Variants in SMIM35 observed in about 807,000 individuals in gnomAD.
SMIM35 encodes the protein small integral membrane protein 35.
At chr11:118,036,175 C>T (rs1297123818) in intron 1 of SMIM35, among the ~76,000 whole-genome samples, 4 of 152,226 alleles carry the variant, frequency 2.6e-5, no homozygotes, top group African/African-American at 9.6e-5. Context: ...GCATGAGCCA[C>T]CATGCCTGGC....
intron 1 of SMIM35, among the ~76,000 whole-genome samples, chr11:118,048,946 C>CAAAAAAAAAAAAAAAAAAAAAAAAAA (rs57261529): frequency 2.5e-4 from 15 of 60,498 alleles, no homozygotes; most frequent in African/African-American, 7.3e-4. Flanking sequence ...TGAAGAGCTG[C>CAAAAAAAAAAAAAAAAAAAAAAAAAA]AAAAAAAAAA....
rs577921975 is a variant in SMIM35, at chr11:118,056,480, G to A, written c.7+30271C>T. On this transcript the variant is annotated intron_variant, in intron 1 of 4. Transcript: ENST00000689828. Reference sequence around the variant, plus strand: ...GGACATGCAGGAAGGCAGTTCCATCGTCCTGTTGAGCTCAAGGTACCTGCC... The same window carrying A: ...GGACATGCAGGAAGGCAGTTCCATCATCCTGTTGAGCTCAAGGTACCTGCC... Among the ~76,000 whole-genome samples, 8 of 152,292 alleles carry A rather than the reference G, an allele frequency of 5.3e-5. No individual in the cohort carries two copies. In the East Asian group the frequency reaches 9.7e-4, roughly 18 times the overall value.
At chr11:118,035,922 C>T (rs1157275589) in intron 1 of SMIM35, among the ~76,000 whole-genome samples, 1 of 151,472 alleles carries the variant, frequency 6.6e-6, no homozygotes, top group Non-Finnish European at 1.5e-5. Flanking sequence ...GAGTCTCGCT[C>T]TATCGCCCAG....
chr11:118,044,642 C>T (rs960278100), intron 1 of SMIM35, among the ~76,000 whole-genome samples: 3 of 151,618 alleles, frequency 2.0e-5, no homozygotes, highest in African/African-American at 4.8e-5. Context: ...GGCGTGGTGG[C>T]GGGCACCTGT....
intron 1 of SMIM35, among the ~76,000 whole-genome samples, chr11:118,045,827 C>T (rs887724453): frequency 2.0e-5 from 3 of 152,144 alleles, no homozygotes; most frequent in Middle Eastern, 3.2e-3. Flanking sequence ...TCTTGACCAT[C>T]GGGATATTTG....
intron 1 of SMIM35, among the ~76,000 whole-genome samples, chr11:118,018,032 CA>C (rs901042724): frequency 5.9e-5 from 9 of 152,166 alleles, no homozygotes; most frequent in African/African-American, 2.2e-4. Context: ...CAAACCATAC[CA>C]GGAGGTGAGA....
intron 1 of SMIM35, among the ~76,000 whole-genome samples, chr11:118,045,330 GCACACACACA>G (rs34102097): frequency 5.5e-5 from 8 of 146,014 alleles, no homozygotes; most frequent in African/African-American, 1.8e-4. Context: ...ATACACACAT[GCACACACACA>G]CACACACACA....
At chr11:118,030,455 C>T (rs1474504522) in intron 1 of SMIM35, among the ~76,000 whole-genome samples, 4 of 152,034 alleles carry the variant, frequency 2.6e-5, no homozygotes, top group African/African-American at 7.2e-5. Flanking sequence ...TTTTAACAAC[C>T]CAAGATGTTC....
intron 1 of SMIM35, chr11:118,028,812 CAAG>C (rs977306741): frequency 2.1e-5 from 9 of 427,700 alleles, no homozygotes; most frequent in African/African-American, 1.1e-4. Context: ...CAAGGAGAAA[CAAG>C]AGGAGAAGTA....
intron 1 of SMIM35, among the ~76,000 whole-genome samples, chr11:118,078,536 G>A (rs1055344594): frequency 6.6e-6 from 1 of 152,224 alleles, no homozygotes; most frequent in Non-Finnish European, 1.5e-5. Context: ...CAGGATCAAA[G>A]CACAAGCTTC....
At chr11:118,067,008 C>T (rs553469820) in intron 1 of SMIM35, among the ~76,000 whole-genome samples, 1 of 152,084 alleles carries the variant, frequency 6.6e-6, no homozygotes, top group East Asian at 1.9e-4. Flanking sequence ...TTCTCTTAAT[C>T]CCTGATATCT....
At chr11:118,059,340 C>T (rs1245193139) in intron 1 of SMIM35, 1 of 152,330 alleles carries the variant, frequency 6.6e-6, no homozygotes, top group African/African-American at 2.4e-5. Context: ...GGGCAGTTCT[C>T]AGTCTGGGAG....
chr11:118,023,008 A>G (rs2058244935), intron 1 of SMIM35, among the ~76,000 whole-genome samples: 1 of 151,496 alleles, frequency 6.6e-6, no homozygotes, highest in South Asian at 2.1e-4. Flanking sequence ...CCAAGACCCA[A>G]AAAGGTCAAA....
chr11:118,068,765 C>T (rs1565397925), intron 1 of SMIM35, among the ~76,000 whole-genome samples: 3 of 152,144 alleles, frequency 2.0e-5, no homozygotes, highest in East Asian at 1.9e-4. Flanking sequence ...CCCGGGGTAG[C>T]GGAGTGACCT....
chr11:118,042,828 C>T (rs1050733973), intron 1 of SMIM35, among the ~76,000 whole-genome samples: 9 of 152,216 alleles, frequency 5.9e-5, no homozygotes, highest in African/African-American at 2.2e-4. Flanking sequence ...ATTTCTCCCT[C>T]GAGAGCAAGA....
intron 1 of SMIM35, among the ~76,000 whole-genome samples, chr11:118,043,875 G>T (rs369972543): frequency 2.0e-5 from 3 of 148,524 alleles, no homozygotes; most frequent in South Asian, 2.1e-4. Context: ...AAAGGAGGGG[G>T]TTATCTTAGC....
At chr11:118,079,456 C>T (rs1448055724) in intron 1 of SMIM35, among the ~76,000 whole-genome samples, 1 of 152,204 alleles carries the variant, frequency 6.6e-6, no homozygotes. Flanking sequence ...CAGGCCCAGG[C>T]AGAGGTCAGA....
chr11:118,031,146 G>A (rs373688574), intron 1 of SMIM35, among the ~76,000 whole-genome samples: 118 of 152,294 alleles, frequency 7.7e-4, no homozygotes, highest in Non-Finnish European at 1.5e-3. Flanking sequence ...AATAAATTTC[G>A]TGGTGTTAGA....
In SMIM35 at chr11:118,005,818, A is replaced by T. The variant is rs1415864565; in HGVS notation, c.*592T>A. 3.3e-5 allele frequency: 5 copies of T among 152,338 alleles called. No individual in the cohort carries two copies. Among genetic ancestry groups the T allele is most frequent in the Non-Finnish European group, 7.3e-5 (5 of 68,158 alleles). The allele number at this position is 152,338 out of a possible 1,614,324, so 9.4% of individuals were successfully genotyped here. A position where few individuals can be genotyped will look rare whatever the true frequency, so the allele number is the denominator to read the frequency against. Reference sequence around the variant, plus strand: ...CCTGCTCCCTCAGTCTAATCTCCATACCGCAGTCCTCCTGATGCAGTGCAC... The same window carrying T: ...CCTGCTCCCTCAGTCTAATCTCCATTCCGCAGTCCTCCTGATGCAGTGCAC... On this transcript the variant is annotated 3_prime_UTR_variant, in exon 5 of 5. Coordinates refer to ENST00000689828, the MANE Select transcript of SMIM35 (RefSeq NM_001394165.1).
Sources: gnomAD v4.1 joint callset for allele counts (sites outside exome capture counted in the v4.1 genomes callset) on GRCh38, gnomAD v4.1.1 for gene constraint, MANE v1.5 for transcripts, NCBI Gene and HGNC (gene_info 2026-07-23, HGNC 2026-07-21) for gene names.